PHF14: variants seen among roughly 807,000 people sequenced by gnomAD.
The protein encoded by PHF14 is PHD finger protein 14.
In PHF14, 55 loss-of-function variants were observed where a neutral mutation model predicts 117.9. That is an observed-to-expected ratio of 0.47 (90% CI 0.38 to 0.58). PHF14 has a LOEUF of 0.58. Ranked by LOEUF, PHF14 falls within the 20% of genes least tolerant of loss-of-function variation. The probability of loss-of-function intolerance (pLI) is 0.00; values close to 1 mark genes in which losing one functional copy is unlikely to be tolerated. For synonymous variants in PHF14, 409 were observed against 368.6 expected (o/e 1.11, Z -1.26); for missense variants, 978 against 1,122.2 (o/e 0.87, Z 1.84).
chr7:11,058,615 T>G (rs8180695), intron 14 of PHF14, among the ~76,000 whole-genome samples: 87,375 of 152,070 alleles, frequency 0.57, 26,632 homozygotes, highest in East Asian at 0.85. Flanking sequence ...GTGCCAGTTT[T>G]AATTTACTCT....
intron 14 of PHF14, among the ~76,000 whole-genome samples, chr7:11,052,533 C>G (rs1362178441): frequency 6.6e-6 from 1 of 151,080 alleles, no homozygotes; most frequent in Non-Finnish European, 1.5e-5. Context: ...AGACTATCTG[C>G]ATCTTCAGTT....
At chr7:11,050,247 A>G (rs546450397) in intron 13 of PHF14, among the ~76,000 whole-genome samples, 7 of 152,296 alleles carry the variant, frequency 4.6e-5, no homozygotes, top group Non-Finnish European at 8.8e-5. Context: ...CTTTGAAAAT[A>G]CTTGCTATGA....
chr7:11,072,259 A>G (rs1445309260), intron 16 of PHF14, among the ~76,000 whole-genome samples: 2 of 152,152 alleles, frequency 1.3e-5, no homozygotes, highest in Admixed American at 6.5e-5. Flanking sequence ...GAGATGCTGT[A>G]TACTTTTAAA....
intron 17 of PHF14, among the ~76,000 whole-genome samples, chr7:11,157,741 C>T (rs1439273949): frequency 1.3e-5 from 2 of 152,150 alleles, no homozygotes; most frequent in East Asian, 3.9e-4. Flanking sequence ...CTCAGTGTTA[C>T]TGAATGACTG....
intron 4 of PHF14, among the ~76,000 whole-genome samples, chr7:10,996,510 A>G (rs970067671): frequency 6.6e-6 from 1 of 152,220 alleles, no homozygotes; most frequent in East Asian, 1.9e-4. Flanking sequence ...AATGTGTCAA[A>G]TAATGTTTTT....
intron 14 of PHF14, among the ~76,000 whole-genome samples, chr7:11,056,704 G>A (rs1785031243): frequency 6.7e-6 from 1 of 150,220 alleles, no homozygotes; most frequent in South Asian, 2.1e-4. Flanking sequence ...AATATTTTTA[G>A]GAATTATGTA....
chr7:11,113,741 A>G (rs1787517741), intron 17 of PHF14, among the ~76,000 whole-genome samples: 1 of 152,116 alleles, frequency 6.6e-6, no homozygotes, highest in South Asian at 2.1e-4. Flanking sequence ...ATTCATGACC[A>G]GTGGGTAGTA....
intron 17 of PHF14, among the ~76,000 whole-genome samples, chr7:11,161,628 T>C (rs749902770): frequency 7.5e-6 from 1 of 133,978 alleles, no homozygotes. Context: ...CATTTTTAAA[T>C]ATTATTTTTG....
chr7:11,106,535 T>C (rs968102925), intron 16 of PHF14: 1 of 979,870 alleles, frequency 1.0e-6, no homozygotes, highest in African/African-American at 1.8e-5. Context: ...GAATGCAGAA[T>C]TTTGTGCAAG....
In PHF14 at chr7:10,983,064, A is replaced by G. The variant is rs965161426; in HGVS notation, c.805A>G (p.Lys269Glu). 3.8e-6 allele frequency: 6 copies of G among 1,594,850 alleles called. No individual in the cohort carries two copies. The highest frequency in any genetic ancestry group is 2.7e-5 in the African/African-American group (2 of 74,840). ...HSSPASEGGCKKKKSKVLSRN... is the reference protein window; with the variant it reads ...HSSPASEGGCEKKKSKVLSRN... Reference sequence around the variant, plus strand: ...TAGCCCTGCCAGTGAAGGGGGTTGCAAGAAGAAGAAGAGTAAAGTTCTTAG... The same window carrying G: ...TAGCCCTGCCAGTGAAGGGGGTTGCGAGAAGAAGAAGAGTAAAGTTCTTAG... The change falls in exon 3 of 18, where the codon AAG (lysine) becomes GAG (glutamate). Residue 269 changes from lysine (K) to glutamate (E), a missense_variant. Coordinates refer to ENST00000634607, the MANE Select transcript of PHF14 (RefSeq NM_001007157.2).
chr7:10,993,755 T>C (rs563156621), intron 4 of PHF14, among the ~76,000 whole-genome samples: 1 of 152,246 alleles, frequency 6.6e-6, no homozygotes, highest in East Asian at 1.9e-4. Flanking sequence ...TGCCTGTAAA[T>C]CCCAGCACTT....
At chr7:10,995,544 G>A (rs181796873) in intron 4 of PHF14, among the ~76,000 whole-genome samples, 117 of 152,174 alleles carry the variant, frequency 7.7e-4, no homozygotes, top group Admixed American at 4.4e-3. Context: ...GTCCCATGCC[G>A]TGTGCCCGCA....
intron 17 of PHF14, among the ~76,000 whole-genome samples, chr7:11,161,413 A>G (rs1789019788): frequency 6.6e-6 from 1 of 152,098 alleles, no homozygotes; most frequent in Admixed American, 6.6e-5. Flanking sequence ...ATATTAATGA[A>G]TAAGTAATAT....
intron 17 of PHF14, among the ~76,000 whole-genome samples, chr7:11,161,967 T>C (rs984600213): frequency 1.3e-5 from 2 of 150,734 alleles, no homozygotes; most frequent in African/African-American, 4.8e-5. Context: ...CATAAGTTCG[T>C]CAGGGTTATC....
At chr7:11,018,047 C>A (rs1216018387) in intron 5 of PHF14, among the ~76,000 whole-genome samples, 1 of 151,958 alleles carries the variant, frequency 6.6e-6, no homozygotes, top group Non-Finnish European at 1.5e-5. Flanking sequence ...GTTCCTGGCA[C>A]CTTTGTTAGG....
chr7:11,035,100 G>C (rs1784273559), intron 7 of PHF14, among the ~76,000 whole-genome samples: 3 of 148,704 alleles, frequency 2.0e-5, no homozygotes, highest in Admixed American at 2.0e-4. Flanking sequence ...ACTGCAGATC[G>C]AAAATGTTTG....
At chr7:11,029,130 A>G (rs1250754345) in intron 7 of PHF14, among the ~76,000 whole-genome samples, 4 of 152,182 alleles carry the variant, frequency 2.6e-5, no homozygotes, top group Non-Finnish European at 5.9e-5. Context: ...AAAATAGCAT[A>G]TTTTATACGA....
chr7:11,019,139 T>C (rs1051864946), intron 5 of PHF14, among the ~76,000 whole-genome samples: 1 of 152,154 alleles, frequency 6.6e-6, no homozygotes, highest in East Asian at 1.9e-4. Context: ...GGTTTGCTGG[T>C]ATTTTGTTGA....
At chr7:11,077,327 C>T (rs931387024) in intron 16 of PHF14, among the ~76,000 whole-genome samples, 14 of 150,650 alleles carry the variant, frequency 9.3e-5, no homozygotes, top group African/African-American at 3.2e-4. Context: ...TTCAGCCGGG[C>T]GCAGTGGGGC....
Sources: allele counts gnomAD v4.1 joint callset (sites outside exome capture counted in the v4.1 genomes callset), GRCh38; gene constraint gnomAD v4.1.1; transcripts MANE v1.5; gene names NCBI Gene and HGNC (gene_info 2026-07-23, HGNC 2026-07-21).